Variants in PLCXD1 observed in about 807,000 individuals in gnomAD.
PLCXD1 encodes the protein PI-PLC X domain-containing protein 1.
A neutral mutation model predicts 37.8 loss-of-function variants in PLCXD1; 45 were observed. The observed-to-expected ratio is 1.19, with a 90% CI of 0.94 to 1.53. PLCXD1 has a LOEUF of 1.53. Among genes scored for constraint, PLCXD1 ranks in the 40% most tolerant of loss-of-function variants. The pLI is 0.00. For synonymous variants in PLCXD1, 246 were observed against 206.9 expected, an observed-to-expected ratio of 1.19 and a Z score of -1.62; for missense variants, 539 against 454.7, an observed-to-expected ratio of 1.19 and a Z score of -1.69.
At chrX:281,043 GC>G (rs1301171701), upstream of PLCXD1, 1 of 12,968 alleles carries the variant, frequency 7.7e-5, no homozygotes, top group Non-Finnish European at 1.6e-4. Flanking sequence ...GGGGAGGGGG[GC>G]CGTGCAGGGG....
At chrX:279,826 C>T (rs1252425945), upstream of PLCXD1, among the ~76,000 whole-genome samples, 1 of 151,702 alleles carries the variant, frequency 6.6e-6, no homozygotes, top group African/African-American at 2.4e-5. Context: ...GGAATATCTG[C>T]ATTAAGATAA....
At chrX:284,460 TGTG>T in intron 2 of PLCXD1, 146 bp downstream of exon 2, 1 of 830,908 alleles carries the variant, frequency 1.2e-6, no homozygotes, top group African/African-American at 1.7e-5. Context: ...AGCACACTGA[TGTG>T]GACACACACA....
At chrX:291,915 C>T (rs1249558951) in intron 5 of PLCXD1, among the ~76,000 whole-genome samples, 1 of 152,170 alleles carries the variant, frequency 6.6e-6, no homozygotes, top group African/African-American at 2.4e-5. Context: ...CGCCTGTCAT[C>T]CCAGCACTTT....
In PLCXD1 at chrX:299,999, G is replaced by C. The variant is rs769758444; in HGVS notation, c.*664G>C. 1 of 149,678 alleles carries C rather than the reference G, an allele frequency of 6.7e-6. No individual in the cohort carries two copies. Among genetic ancestry groups the C allele is most frequent in the Admixed American group, 6.7e-5 (1 of 14,868 alleles). 9.3% of individuals were successfully genotyped at this position (149,678 alleles called of 1,614,324 possible). A position where few individuals can be genotyped will look rare whatever the true frequency, so the allele number is the denominator to read the frequency against. ...ACCCGGGAGGTGGAGGTTGCATTGA[G>C]CTGAGATCGTGCCACTGCACTCCAG... On this transcript the variant is annotated 3_prime_UTR_variant, in exon 7 of 7. Transcript: ENST00000381657.
At chrX:292,262 T>C (rs912844135) in intron 5 of PLCXD1, among the ~76,000 whole-genome samples, 22 of 152,036 alleles carry the variant, frequency 1.4e-4, no homozygotes, top group Middle Eastern at 3.4e-3. Flanking sequence ...GAGACCATCC[T>C]GGCTAACACG....
At position 291,875 on chromosome X, in the gene PLCXD1, T is replaced by G. The variant is rs752827616; in HGVS notation, c.549+221T>G. 2.0e-5 allele frequency among the ~76,000 whole-genome samples: 3 copies of G among 152,232 alleles called. No homozygotes were observed. The South Asian group carries it at 6.2e-4, about 32-fold the overall frequency. On this transcript the variant is annotated intron_variant, in intron 5 of 6. Transcript: ENST00000381657. ...GCTTCCCTTGACGGGTTTAGAAATG[T>G]GTGCAGCGTCAGCCGGGCGCGGTGG...
At chrX:280,138 T>C (rs1272200124), upstream of PLCXD1, among the ~76,000 whole-genome samples, 1 of 152,142 alleles carries the variant, frequency 6.6e-6, no homozygotes. Flanking sequence ...ATTACAGGCG[T>C]GAGCCAGCGG....
Position 299,380 on chromosome X carries a change from C to T in PLCXD1, c.*45C>T. Reference sequence around the variant, plus strand: ...GGGACGCGGCGGCTGCAGTTTCACCCCCGAATTTCCAAGTATTGTGACTTT... The same window carrying T: ...GGGACGCGGCGGCTGCAGTTTCACCTCCGAATTTCCAAGTATTGTGACTTT... On this transcript the variant is annotated 3_prime_UTR_variant, in exon 7 of 7. Coordinates refer to ENST00000381657, the MANE Select transcript of PLCXD1 (RefSeq NM_018390.4). The T allele has an allele frequency of 7.4e-7, 1 of 1,348,476 alleles. No individual in the cohort carries two copies. Among genetic ancestry groups the T allele is most frequent in the Non-Finnish European group, 1.1e-6 (1 of 938,064 alleles). The allele number at this position is 1,348,476 out of a possible 1,614,324, so 83.5% of individuals were successfully genotyped here. A position where few individuals can be genotyped will look rare whatever the true frequency, so the allele number is the denominator to read the frequency against.
At chrX:285,386 T>A (rs1440505401) in intron 2 of PLCXD1, among the ~76,000 whole-genome samples, 7 of 149,690 alleles carry the variant, frequency 4.7e-5, no homozygotes, top group South Asian at 2.1e-4. Flanking sequence ...ATATATATAT[T>A]TGCACCTATG....
chrX:296,513 C>T (rs1326539924), intron 6 of PLCXD1, among the ~76,000 whole-genome samples: 1 of 152,190 alleles, frequency 6.6e-6, no homozygotes, highest in African/African-American at 2.4e-5. Context: ...TCCAGCTGGT[C>T]AACACAGGGG....
At chrX:285,105 CAT>C (rs1211822598) in intron 2 of PLCXD1, among the ~76,000 whole-genome samples, 1 of 134,646 alleles carries the variant, frequency 7.4e-6, no homozygotes, top group Non-Finnish European at 1.6e-5. Context: ...CAGACACATA[CAT>C]ACACACACAC....
chrX:292,935 C>G (rs1267341938), intron 5 of PLCXD1, 100 bp from the exon 6 acceptor site: 3 of 779,314 alleles, frequency 3.8e-6, no homozygotes, highest in East Asian at 2.6e-5. Flanking sequence ...TTGGTTTATA[C>G]TCGTGTTGGG....
Position 293,079 on chromosome X carries a change from C to A in PLCXD1, c.594C>A (p.Val198=). The A allele has an allele frequency of 6.2e-7, 1 of 1,611,564 alleles. No individual in the cohort carries two copies. The highest frequency in any genetic ancestry group is 8.5e-7 in the Non-Finnish European group (1 of 1,179,552). The change falls in exon 6 of 7, where the codon GTC becomes GTA. Residue 198 remains valine (V), a synonymous_variant. Coordinates refer to ENST00000381657, the MANE Select transcript of PLCXD1 (RefSeq NM_018390.4). ...LRQLWSRGQQ[V]IVSYEDESSL... is the part of the protein sequence containing the mutation. ...AGCTGTGGTCCCGGGGCCAACAGGTCATCGTCTCCTATGAAGACGAGAGCT... is the reference window on the plus strand; with the variant it reads ...AGCTGTGGTCCCGGGGCCAACAGGTAATCGTCTCCTATGAAGACGAGAGCT...
At chrX:288,417 GCCT>G (rs1454239273) in intron 2 of PLCXD1, among the ~76,000 whole-genome samples, 2 of 152,170 alleles carry the variant, frequency 1.3e-5, no homozygotes, top group Non-Finnish European at 2.9e-5. Context: ...TCTCCACGAG[GCCT>G]CCTCCTCTGT....
At chrX:289,366 C>T (rs2069554850) in intron 3 of PLCXD1, among the ~76,000 whole-genome samples, 3 of 151,980 alleles carry the variant, frequency 2.0e-5, no homozygotes, top group Admixed American at 6.6e-5. Context: ...GGATTACAGG[C>T]GTGAGCCACC....
At chrX:295,545 G>A (rs28414752) in intron 6 of PLCXD1, among the ~76,000 whole-genome samples, 108,229 of 148,508 alleles carry the variant, frequency 0.73, 39,993 homozygotes, top group African/African-American at 0.83. Context: ...TTTTTTTGAG[G>A]TGGAGTCTCA....
At chrX:293,658 T>C (rs1178652261) in intron 6 of PLCXD1, among the ~76,000 whole-genome samples, 1 of 152,038 alleles carries the variant, frequency 6.6e-6, no homozygotes, top group East Asian at 1.9e-4. Flanking sequence ...ATCAACAAGG[T>C]GTGGTCCATC....
chrX:299,411 G>A lies in PLCXD1; in HGVS notation c.*76G>A, dbSNP rs908077511. 9 of 1,047,964 alleles carry A rather than the reference G, an allele frequency of 8.6e-6. No individual in the cohort carries two copies. Among genetic ancestry groups the A allele is most frequent in the Admixed American group, 5.1e-5 (3 of 58,410 alleles). 64.9% of individuals were successfully genotyped at this position (1,047,964 alleles called of 1,614,324 possible). On this transcript the variant is annotated 3_prime_UTR_variant, in exon 7 of 7. Transcript: ENST00000381657. ...TTTCCAAGTATTGTGACTTTGTTTG[G>A]GCCAAATGTTGGTGATCATAGGACC... is the stretch of plus-strand genomic sequence containing the variant.
intron 2 of PLCXD1, among the ~76,000 whole-genome samples, chrX:287,213 A>G (rs1303247491): frequency 6.8e-6 from 1 of 146,974 alleles, no homozygotes; most frequent in Non-Finnish European, 1.5e-5. Flanking sequence ...ATTTATATAT[A>G]AACATACATA....
Sources: gnomAD v4.1 joint callset for allele counts (sites outside exome capture counted in the v4.1 genomes callset) on GRCh38, gnomAD v4.1.1 for gene constraint, MANE v1.5 for transcripts, NCBI Gene and HGNC (gene_info 2026-07-23, HGNC 2026-07-21) for gene names.